The following LIPC variants were observed in gnomAD, a reference collection of about 807,000 sequenced individuals.
LIPC encodes lipase C, hepatic type, also known as hepatic triacylglycerol lipase.
A neutral mutation model predicts 50.7 loss-of-function variants in LIPC; 44 were observed. The ratio of observed to expected loss-of-function variants is 0.87; its 90% CI spans 0.68 to 1.11. The LOEUF (loss-of-function observed/expected upper bound fraction) is 1.11. LIPC is among the 50% of genes most tolerant of loss of function. LIPC has a pLI of 0.00. For missense variants in LIPC, 697 were observed against 648.2 expected (o/e 1.08, Z -0.82); for synonymous variants, 271 against 256.4 (o/e 1.06, Z -0.54).
At chr15:58,448,070 T>C (rs1419468207) in intron 1 of LIPC, among the ~76,000 whole-genome samples, 1 of 152,220 alleles carries the variant, frequency 6.6e-6, no homozygotes, top group Non-Finnish European at 1.5e-5. Flanking sequence ...TAATGTGTAT[T>C]CCTGCTGATG....
intron 8 of LIPC, among the ~76,000 whole-genome samples, chr15:58,564,587 C>T (rs1214882785): frequency 7.9e-5 from 12 of 151,908 alleles, no homozygotes; most frequent in East Asian, 3.9e-4. Flanking sequence ...ATTAGCTGGG[C>T]GTGGTGGCGC....
chr15:58,545,651 C>T lies in LIPC; in HGVS notation c.575-91C>T, dbSNP rs547226653. ...CGTGTTTCTTCTTCCTGCTAGTTCA[C>T]TGATGTATAATAATATCCAAAAGCT... On this transcript the variant is annotated intron_variant, in intron 4 of 8. Coordinates refer to ENST00000299022, the MANE Select transcript of LIPC (RefSeq NM_000236.3). 814 of 1,072,434 alleles carry T rather than the reference C, an allele frequency of 7.6e-4. 9 individuals carry two copies. The African/African-American group carries it at 0.011, about 15-fold the overall frequency. The allele number at this position is 1,072,434 out of a possible 1,614,324, so 66.4% of individuals were successfully genotyped here.
At chr15:58,565,292 C>A (rs1445487237) in intron 8 of LIPC, 5 of 1,535,628 alleles carry the variant, frequency 3.3e-6, no homozygotes, top group Non-Finnish European at 3.5e-6. Context: ...GAGCTCTGAC[C>A]CTGCCCAGAT....
chr15:58,506,749 C>A (rs139028464), intron 1 of LIPC, among the ~76,000 whole-genome samples: 10 of 152,330 alleles, frequency 6.6e-5, no homozygotes, highest in African/African-American at 1.7e-4. Context: ...CTCTGCCCCC[C>A]ACCCTGACGT....
chr15:58,548,349 A>G lies in LIPC; in HGVS notation c.828A>G (p.Lys276=), dbSNP rs747641881. 1.9e-5 allele frequency: 31 copies of G among 1,613,852 alleles called. No homozygotes were observed. The Admixed American group carries it at 5.0e-4, about 26-fold the overall frequency. Reference sequence around the variant, plus strand: ...TTCCAGCCATCACCCAGACCATAAAATGCTCCCACGAGCGATCGGTGCACC... The same window carrying G: ...TTCCAGCCATCACCCAGACCATAAAGTGCTCCCACGAGCGATCGGTGCACC... ...HGFNAITQTI[K]CSHERSVHLF... The change falls in exon 6 of 9, where the codon AAA becomes AAG. Residue 276 remains lysine, a synonymous_variant. Coordinates refer to ENST00000299022, the MANE Select transcript of LIPC (RefSeq NM_000236.3).
chr15:58,444,682 G>A (rs1172530975), intron 1 of LIPC, among the ~76,000 whole-genome samples: 2 of 152,044 alleles, frequency 1.3e-5, no homozygotes, highest in African/African-American at 4.8e-5. Context: ...TTGGATTAAG[G>A]CCCACCCCAG....
intron 1 of LIPC, among the ~76,000 whole-genome samples, chr15:58,480,923 G>C (rs578073150): frequency 6.6e-6 from 1 of 152,262 alleles, no homozygotes; most frequent in African/African-American, 2.4e-5. Context: ...GCTTCTCGGA[G>C]GCAGGTCCAG....
chr15:58,434,186 G>C (rs1275508611), intron 1 of LIPC, among the ~76,000 whole-genome samples: 8 of 151,896 alleles, frequency 5.3e-5, no homozygotes, highest in African/African-American at 1.9e-4. Context: ...TCACAACAAT[G>C]AATTGTCTGG....
Position 58,560,979 on chromosome 15 carries a change from T to C in LIPC, c.1167T>C (p.Thr389=), listed in dbSNP as rs149516363. ...TKEKMQKIPI[T]LGKGIASNKT... ...AGAAAATGCAGAAAATTCCCATCACTCTGTGAGTAGGAGGTGTAGCCCCCT... is the reference window on the plus strand; with the variant it reads ...AGAAAATGCAGAAAATTCCCATCACCCTGTGAGTAGGAGGTGTAGCCCCCT... The change falls in exon 7 of 9, where the codon ACT becomes ACC. Residue 389 remains threonine (T), a splice_region_variant and synonymous_variant. Coordinates refer to ENST00000299022, the MANE Select transcript of LIPC (RefSeq NM_000236.3). 1.3e-5 allele frequency: 19 copies of C among 1,408,646 alleles called. No homozygotes were observed. In the African/African-American group the frequency reaches 2.7e-4, roughly 20 times the overall value. 87.3% of individuals were successfully genotyped at this position (1,408,646 alleles called of 1,614,324 possible). A position where few individuals can be genotyped will look rare whatever the true frequency, so the allele number is the denominator to read the frequency against.
intron 1 of LIPC, among the ~76,000 whole-genome samples, chr15:58,480,463 T>A (rs1331020100): frequency 6.6e-6 from 1 of 151,998 alleles, no homozygotes; most frequent in Non-Finnish European, 1.5e-5. Flanking sequence ...CCTGACTAAT[T>A]TTTGTATTTT....
At chr15:58,472,235 C>A (rs1326506632) in intron 1 of LIPC, among the ~76,000 whole-genome samples, 9 of 137,386 alleles carry the variant, frequency 6.6e-5, no homozygotes, top group Admixed American at 6.4e-4. Context: ...TGCACCATTG[C>A]ACTCCACCCT....
At chr15:58,499,876 T>G (rs1891915486) in intron 1 of LIPC, among the ~76,000 whole-genome samples, 1 of 152,164 alleles carries the variant, frequency 6.6e-6, no homozygotes, top group Non-Finnish European at 1.5e-5. Context: ...CACGGTGTCC[T>G]AGGCAGTAGC....
intron 4 of LIPC, among the ~76,000 whole-genome samples, chr15:58,543,346 C>G (rs1341361943): frequency 6.6e-6 from 1 of 152,122 alleles, no homozygotes; most frequent in African/African-American, 2.4e-5. Context: ...ACAGGCAAGG[C>G]CTTTCTCGGT....
At chr15:58,506,076 C>A (rs1407178889) in intron 1 of LIPC, among the ~76,000 whole-genome samples, 2 of 152,158 alleles carry the variant, frequency 1.3e-5, no homozygotes, top group African/African-American at 4.8e-5. Flanking sequence ...CACTCTGTCT[C>A]TGTGGTGTGT....
Position 58,511,942 on chromosome 15 carries a change from A to G in LIPC, c.89-26391A>G, listed in dbSNP as rs190038720. Among the ~76,000 whole-genome samples the G allele has an allele frequency of 4.6e-5, 7 of 152,322 alleles. No individual in the cohort carries two copies. In the East Asian group the frequency reaches 1.3e-3, roughly 29 times the overall value. ...AATCAGGATTCTAAATTATATATAT[A>G]CACACACATACACACAATTAAACTC... On this transcript the variant is annotated intron_variant, in intron 1 of 8. Coordinates refer to ENST00000299022, the MANE Select transcript of LIPC (RefSeq NM_000236.3).
chr15:58,565,641 A>C, intron 8 of LIPC: 1 of 1,041,450 alleles, frequency 9.6e-7, no homozygotes, highest in Non-Finnish European at 1.2e-6. Context: ...TCCAGATTTG[A>C]CTGGGATTTG....
chr15:58,512,554 T>G (rs1359579996), intron 1 of LIPC, among the ~76,000 whole-genome samples: 1 of 152,126 alleles, frequency 6.6e-6, no homozygotes, highest in African/African-American at 2.4e-5. Context: ...GCCGGCTGGG[T>G]CTGCGAGACT....
rs572300580 is a variant in LIPC, at chr15:58,467,179, A to G, written c.88+35059A>G. ...AATCCAGTAGACCAATGAAGCATGAATCCAACTCACAGAGGGTGGTTAGAA... is the reference window on the plus strand; with the variant it reads ...AATCCAGTAGACCAATGAAGCATGAGTCCAACTCACAGAGGGTGGTTAGAA... On this transcript the variant is annotated intron_variant, in intron 1 of 8. Coordinates refer to ENST00000299022, the MANE Select transcript of LIPC (RefSeq NM_000236.3). Among the ~76,000 whole-genome samples, 48 of 152,330 alleles carry G rather than the reference A, an allele frequency of 3.2e-4. 1 individual carries two copies. The highest frequency in any genetic ancestry group is 8.8e-5 in the Non-Finnish European group (6 of 68,028).
rs2140616470 is a variant in LIPC, at chr15:58,432,365, CT to C, written c.88+247del. 5 of 549,046 alleles carry C rather than the reference CT, an allele frequency of 9.1e-6. No homozygotes were observed. The South Asian group carries it at 1.0e-4, about 11-fold the overall frequency. The allele number at this position is 549,046 out of a possible 1,614,324, so 34.0% of individuals were successfully genotyped here. The stretch of plus-strand genomic sequence containing the variant: ...GTGCCTGCAGCTAGCAGTGAAGTCT[CT>C]TGCGTATCTGATATGGAAACAGTCA... On this transcript the variant is annotated intron_variant, in intron 1 of 8. Transcript: ENST00000299022.
Sources: allele counts gnomAD v4.1 joint callset (sites outside exome capture counted in the v4.1 genomes callset), GRCh38; gene constraint gnomAD v4.1.1; transcripts MANE v1.5; gene names NCBI Gene and HGNC (gene_info 2026-07-23, HGNC 2026-07-21).